ADGRB3: variants seen among roughly 807,000 people sequenced by gnomAD.
ADGRB3 encodes the protein brain-specific angiogenesis inhibitor 3.
Under a neutral mutation model 193.4 loss-of-function variants are expected in ADGRB3, and 37 were observed. The observed-to-expected ratio is 0.19, with a 90% CI of 0.15 to 0.25. The LOEUF is 0.25. ADGRB3 is among the 10% of genes least tolerant of loss of function. ADGRB3 has a pLI of 1.00. For synonymous variants in ADGRB3, 690 were observed against 644.2 expected, an observed-to-expected ratio of 1.07 and a Z score of -1.08; for missense variants, 1,637 against 1,852.9, an observed-to-expected ratio of 0.88 and a Z score of 2.14.
chr6:69,339,038 T>C (rs1049642142), intron 25 of ADGRB3, 24 bp downstream of exon 25: 1 of 1,610,256 alleles, frequency 6.2e-7, no homozygotes, highest in Non-Finnish European at 8.5e-7. Context: ...ATTTACATCT[T>C]CTTGTTACAA....
chr6:69,331,972 T>A, intron 23 of ADGRB3: 1 of 985,342 alleles, frequency 1.0e-6, no homozygotes. Flanking sequence ...TTTTGCATCT[T>A]CCTTACGTTA....
chr6:69,102,303 A>T, intron 17 of ADGRB3, among the ~76,000 whole-genome samples: 1 of 152,162 alleles, frequency 6.6e-6, no homozygotes, highest in East Asian at 1.9e-4. Context: ...AAGTGAGCCC[A>T]AGCAGCAGAC....
At chr6:68,720,642 A>G (rs749246950) in intron 3 of ADGRB3, among the ~76,000 whole-genome samples, 1 of 151,814 alleles carries the variant, frequency 6.6e-6, no homozygotes, top group Non-Finnish European at 1.5e-5. Flanking sequence ...TTTGCATAGA[A>G]TAAAGTACAA....
chr6:69,211,334 G>A (rs957824152), intron 17 of ADGRB3, among the ~76,000 whole-genome samples: 4 of 152,136 alleles, frequency 2.6e-5, no homozygotes, highest in African/African-American at 4.8e-5. Context: ...CCCTGATGCA[G>A]TGGAATATCA....
intron 3 of ADGRB3, among the ~76,000 whole-genome samples, chr6:68,899,743 C>T (rs1279294625): frequency 6.6e-6 from 1 of 151,492 alleles, no homozygotes; most frequent in South Asian, 2.1e-4. Context: ...GCCAAATGGA[C>T]TAAAACATTA....
At chr6:69,040,675 C>CAAAAAAGAAAAAAAAAAAAAAAAAAAA (rs1771030274) in intron 13 of ADGRB3, among the ~76,000 whole-genome samples, 1 of 19,518 alleles carries the variant, frequency 5.1e-5, no homozygotes. Flanking sequence ...GACTGATGGA[C>CAAAAAAGAAAAAAAAAAAAAAAAAAAA]AAAAAAAAAA....
intron 3 of ADGRB3, among the ~76,000 whole-genome samples, chr6:68,874,377 T>A (rs1765535548): frequency 6.6e-6 from 1 of 152,146 alleles, no homozygotes; most frequent in African/African-American, 2.4e-5. Context: ...TTCATAACTA[T>A]GAATTTTGAA....
intron 17 of ADGRB3, among the ~76,000 whole-genome samples, chr6:69,131,541 G>A (rs138372424): frequency 1.3e-3 from 203 of 152,050 alleles, no homozygotes; most frequent in African/African-American, 4.8e-3. Flanking sequence ...GGCAAATACT[G>A]TATACTAAAT....
chr6:69,351,494 C>T (rs2127326027), intron 26 of ADGRB3, among the ~76,000 whole-genome samples: 1 of 152,262 alleles, frequency 6.6e-6, no homozygotes, highest in South Asian at 2.1e-4. Flanking sequence ...ATCAGAGGCA[C>T]TAAAAGTGTC....
At chr6:69,313,196 T>C (rs746974681) in intron 20 of ADGRB3, among the ~76,000 whole-genome samples, 2 of 151,860 alleles carry the variant, frequency 1.3e-5, no homozygotes, top group Non-Finnish European at 2.9e-5. Flanking sequence ...GGCTTCGCCC[T>C]AGACAGATTA....
chr6:69,250,292 A>G (rs1252937185), intron 20 of ADGRB3, among the ~76,000 whole-genome samples: 2 of 149,276 alleles, frequency 1.3e-5, no homozygotes, highest in African/African-American at 5.0e-5. Flanking sequence ...TTTACAAAAT[A>G]CAAATTAGTT....
At chr6:69,004,543 C>A (rs1254375909) in intron 11 of ADGRB3, among the ~76,000 whole-genome samples, 1 of 150,658 alleles carries the variant, frequency 6.6e-6, no homozygotes, top group Non-Finnish European at 1.5e-5. Flanking sequence ...AGGTGTTTCT[C>A]CTAATGCTAT....
At chr6:68,781,465 T>C (rs1288942214) in intron 3 of ADGRB3, among the ~76,000 whole-genome samples, 1 of 152,134 alleles carries the variant, frequency 6.6e-6, no homozygotes, top group Non-Finnish European at 1.5e-5. Flanking sequence ...GGATGCTCCT[T>C]GATCTTACAC....
intron 10 of ADGRB3, among the ~76,000 whole-genome samples, chr6:68,983,449 G>A (rs1041730430): frequency 2.0e-5 from 3 of 149,024 alleles, no homozygotes; most frequent in Middle Eastern, 3.6e-3. Flanking sequence ...GAATATAATT[G>A]TATAGTATAT....
chr6:68,736,988 T>A (rs1765885427), intron 3 of ADGRB3, among the ~76,000 whole-genome samples: 1 of 152,120 alleles, frequency 6.6e-6, no homozygotes, highest in African/African-American at 2.4e-5. Context: ...TAAGTTGTAA[T>A]AAACATTTTC....
chr6:68,858,876 G>T (rs1226424838), intron 3 of ADGRB3, among the ~76,000 whole-genome samples: 16 of 152,130 alleles, frequency 1.1e-4, no homozygotes, highest in African/African-American at 3.1e-4. Flanking sequence ...TAATGGTTGG[G>T]GCTGCTGTGA....
Position 69,186,944 on chromosome 6 carries a change from G to GTT in ADGRB3, c.2481-46335_2481-46334dup, listed in dbSNP as rs61067182. On this transcript the variant is annotated intron_variant, in intron 17 of 31. Coordinates refer to ENST00000370598, the MANE Select transcript of ADGRB3 (RefSeq NM_001704.3). ...TAGCAAGGTTTTTTTTTTGTTTTTTGTTTTTTTTTTTTGACAACGCATGCA... is the reference window on the plus strand; with the variant it reads ...TAGCAAGGTTTTTTTTTTGTTTTTTGTTTTTTTTTTTTTTGACAACGCATGCA... Among the ~76,000 whole-genome samples the GTT allele has an allele frequency of 2.2e-3, 301 of 137,786 alleles. 1 individual carries two copies. The Middle Eastern group carries it at 0.031, about 14-fold the overall frequency. 90.4% of individuals were successfully genotyped at this position (137,786 alleles called of 152,430 possible).
intron 5 of ADGRB3, 33 bp downstream of exon 5, chr6:68,936,713 T>G: frequency 6.3e-7 from 1 of 1,592,816 alleles, no homozygotes. Flanking sequence ...CTGTGGATGT[T>G]ATTGAATTGT....
At chr6:68,902,717 A>C (rs2150233793) in intron 3 of ADGRB3, among the ~76,000 whole-genome samples, 1 of 152,164 alleles carries the variant, frequency 6.6e-6, no homozygotes. Flanking sequence ...TAATCATGTG[A>C]TTCTGTTTGC....
Sources: gnomAD v4.1 joint callset for allele counts (sites outside exome capture counted in the v4.1 genomes callset) on GRCh38, gnomAD v4.1.1 for gene constraint, MANE v1.5 for transcripts, NCBI Gene and HGNC (gene_info 2026-07-23, HGNC 2026-07-21) for gene names.